The following KIT variants were observed in gnomAD, a reference collection of about 807,000 sequenced individuals.
The protein encoded by KIT is KIT proto-oncogene, receptor tyrosine kinase.
KIT carries 16 observed loss-of-function variants against 105.7 expected under a neutral mutation model. The observed-to-expected ratio is 0.15, with a 90% CI of 0.10 to 0.23. KIT has a LOEUF of 0.23. KIT is among the 10% of genes least tolerant of loss of function. The pLI is 1.00. For missense variants in KIT, 858 were observed against 1,213.8 expected (o/e 0.71, Z 4.36); for synonymous variants, 438 against 441.1 (o/e 0.99, Z 0.09).
intron 5 of KIT, among the ~76,000 whole-genome samples, chr4:54,705,076 T>C (rs1178910940): frequency 6.6e-6 from 1 of 152,280 alleles, no homozygotes; most frequent in Non-Finnish European, 1.5e-5. Flanking sequence ...TAGAAGGCTA[T>C]GCTTTTAAAA....
rs1187369635 is a variant in KIT, at chr4:54,739,728, G to A, written c.*1171G>A. ...GGTATTTTTGCCCTGAGTCCAAGAGGGTCCTTTAGTACCTGAAAAGTAACT... is the reference window on the plus strand; with the variant it reads ...GGTATTTTTGCCCTGAGTCCAAGAGAGTCCTTTAGTACCTGAAAAGTAACT... On this transcript the variant is annotated 3_prime_UTR_variant, in exon 21 of 21. Coordinates refer to ENST00000288135, the MANE Select transcript of KIT (RefSeq NM_000222.3). The A allele has an allele frequency of 4.3e-6, 1 of 233,436 alleles. No individual in the cohort carries two copies. The highest frequency in any genetic ancestry group is 2.2e-5 in the African/African-American group (1 of 45,324). 14.5% of individuals were successfully genotyped at this position (233,436 alleles called of 1,614,324 possible). A position where few individuals can be genotyped will look rare whatever the true frequency, so the allele number is the denominator to read the frequency against.
intron 1 of KIT, among the ~76,000 whole-genome samples, chr4:54,664,564 A>G (rs1417872427): frequency 6.6e-6 from 1 of 151,228 alleles, no homozygotes; most frequent in Non-Finnish European, 1.5e-5. Context: ...AACCAAGACT[A>G]AGGGAGAGTC....
At chr4:54,673,630 C>A (rs939837369) in intron 1 of KIT, among the ~76,000 whole-genome samples, 1 of 152,086 alleles carries the variant, frequency 6.6e-6, no homozygotes, top group Non-Finnish European at 1.5e-5. Flanking sequence ...TTCCTTTGTG[C>A]CCTTCTGGCG....
At chr4:54,680,304 A>G (rs1718809861) in intron 1 of KIT, among the ~76,000 whole-genome samples, 1 of 151,310 alleles carries the variant, frequency 6.6e-6, no homozygotes, top group African/African-American at 2.4e-5. Context: ...TTCATTTGAT[A>G]TCATTCAAAT....
At chr4:54,715,023 A>G (rs964058889) in intron 7 of KIT, among the ~76,000 whole-genome samples, 2 of 152,248 alleles carry the variant, frequency 1.3e-5, no homozygotes, top group African/African-American at 4.8e-5. Context: ...GTTGAGAAAC[A>G]ATTTAAGGAA....
At chr4:54,737,308 T>A (rs1351778835) in intron 20 of KIT, 28 bp downstream of exon 20, 1 of 1,403,376 alleles carries the variant, frequency 7.1e-7, no homozygotes, top group Admixed American at 1.7e-5. Flanking sequence ...AGGCATAGAA[T>A]CCCCCTTCTC....
intron 11 of KIT, 125 bp downstream of exon 11, chr4:54,727,667 C>T: frequency 5.8e-6 from 8 of 1,389,160 alleles, no homozygotes; most frequent in Non-Finnish European, 8.1e-6. Context: ...TGAAATTGCG[C>T]CCCTTTTGAT....
intron 1 of KIT, among the ~76,000 whole-genome samples, chr4:54,695,101 A>C (rs1222153988): frequency 1.3e-5 from 2 of 152,342 alleles, no homozygotes; most frequent in East Asian, 3.9e-4. Flanking sequence ...ATTCTGCCAA[A>C]GAGAGTGACA....
At chr4:54,663,349 A>T (rs1227180213) in intron 1 of KIT, among the ~76,000 whole-genome samples, 1 of 152,168 alleles carries the variant, frequency 6.6e-6, no homozygotes, top group African/African-American at 2.4e-5. Context: ...GGAGATGATG[A>T]CATAGGGCCC....
At chr4:54,737,494 G>C (rs1722992063) in intron 20 of KIT, among the ~76,000 whole-genome samples, 3 of 152,160 alleles carry the variant, frequency 2.0e-5, no homozygotes, top group Non-Finnish European at 2.9e-5. Flanking sequence ...GTGAGATTGA[G>C]GGGGAAGGGT....
Position 54,688,043 on chromosome 4 carries a change from A to C in KIT, c.68-7469A>C, listed in dbSNP as rs76478650. On this transcript the variant is annotated intron_variant, in intron 1 of 20. Coordinates refer to ENST00000288135, the MANE Select transcript of KIT (RefSeq NM_000222.3). ...GGACATTTTTGAGATTCTCTGTTGCATGGCTTCCTTTGGTTCATGTGGGTG... is the reference window on the plus strand; with the variant it reads ...GGACATTTTTGAGATTCTCTGTTGCCTGGCTTCCTTTGGTTCATGTGGGTG... Among the ~76,000 whole-genome samples, 1,348 of 152,230 alleles carry C rather than the reference A, an allele frequency of 8.9e-3. 17 individuals carry two copies. Among genetic ancestry groups the C allele is most frequent in the African/African-American group, 0.03 (1,258 of 41,548 alleles).
chr4:54,713,189 C>T (rs1193505126), intron 7 of KIT, among the ~76,000 whole-genome samples: 6 of 151,962 alleles, frequency 3.9e-5, no homozygotes, highest in South Asian at 4.2e-4. Context: ...ATGGTGATTT[C>T]TGAGATTTTG....
chr4:54,724,009 A>G (rs552446410), intron 8 of KIT, among the ~76,000 whole-genome samples: 1 of 152,238 alleles, frequency 6.6e-6, no homozygotes, highest in Non-Finnish European at 1.5e-5. Context: ...TTTCCATTCT[A>G]TACACAGGAG....
At chr4:54,733,374 C>G (rs1173465053) in intron 17 of KIT, 182 bp downstream of exon 17, 1 of 585,050 alleles carries the variant, frequency 1.7e-6, no homozygotes, top group Admixed American at 2.7e-5. Flanking sequence ...CTACAACTAA[C>G]ATTCAATAAT....
rs555776329 is a variant in KIT at position 54,738,319 on chromosome 4, C to G, written c.2803-110C>G. ...CACAAAGTTCTTGGAAACCACTTCT[C>G]TCTTAAGAGTTTCCATCAGTTAGTT... On this transcript the variant is annotated intron_variant, in intron 20 of 20. Coordinates refer to ENST00000288135, the MANE Select transcript of KIT (RefSeq NM_000222.3). The G allele has an allele frequency of 3.7e-6, 5 of 1,337,624 alleles. No homozygotes were observed. In the Admixed American group the frequency reaches 5.0e-5, roughly 13 times the overall value. 82.9% of individuals were successfully genotyped at this position (1,337,624 alleles called of 1,614,324 possible).
intron 1 of KIT, among the ~76,000 whole-genome samples, chr4:54,661,579 A>G (rs1009299818): frequency 6.6e-6 from 1 of 152,204 alleles, no homozygotes; most frequent in Admixed American, 6.5e-5. Context: ...GTAGTTTAAG[A>G]GTTGGCAGGC....
At chr4:54,695,487 A>G (rs964082897) in intron 1 of KIT, 25 bp from the exon 2 acceptor site, 1 of 1,613,802 alleles carries the variant, frequency 6.2e-7, no homozygotes. Context: ...GATCATACTC[A>G]ACACGATTCT....
intron 17 of KIT, among the ~76,000 whole-genome samples, chr4:54,736,131 C>A (rs1722911567): frequency 1.3e-5 from 2 of 152,106 alleles, no homozygotes; most frequent in African/African-American, 4.8e-5. Flanking sequence ...TTGTGAGAGG[C>A]CGTGTTTCTG....
At chr4:54,697,347 G>A (rs1720142166) in intron 2 of KIT, among the ~76,000 whole-genome samples, 1 of 152,188 alleles carries the variant, frequency 6.6e-6, no homozygotes, top group Non-Finnish European at 1.5e-5. Flanking sequence ...TGAAACACCT[G>A]AGTTTCAGAT....
Sources: gnomAD v4.1 joint callset for allele counts (sites outside exome capture counted in the v4.1 genomes callset) on GRCh38, gnomAD v4.1.1 for gene constraint, MANE v1.5 for transcripts, NCBI Gene and HGNC (gene_info 2026-07-23, HGNC 2026-07-21) for gene names.